Variants in RNF157 observed in about 807,000 individuals in gnomAD.
The protein encoded by RNF157 is ring finger protein 157.
Under a neutral mutation model 88.3 loss-of-function variants are expected in RNF157, and 55 were observed. That is an observed-to-expected ratio of 0.62 (90% CI 0.50 to 0.78). The LOEUF is 0.78. Among genes scored for constraint, RNF157 ranks in the 30% least tolerant of loss-of-function variants. The pLI is 0.00. For synonymous variants in RNF157, 334 were observed against 341.2 expected (o/e 0.98, Z 0.23); for missense variants, 788 against 860.8 (o/e 0.92, Z 1.06).
At chr17:76,222,346 C>CAA (rs1162600459) in intron 1 of RNF157, among the ~76,000 whole-genome samples, 28 of 78,242 alleles carry the variant, frequency 3.6e-4, no homozygotes, top group African/African-American at 1.1e-3. Context: ...GACCCCGTCT[C>CAA]AAAAAAAAAA....
intron 2 of RNF157, among the ~76,000 whole-genome samples, chr17:76,184,154 G>GTA (rs1307528253): frequency 6.9e-6 from 1 of 145,708 alleles, no homozygotes; most frequent in African/African-American, 2.6e-5. Context: ...TAGTGCCACT[G>GTA]TACTCCAGCC....
chr17:76,236,871 G>A (rs908624037), intron 1 of RNF157, among the ~76,000 whole-genome samples: 2 of 152,214 alleles, frequency 1.3e-5, no homozygotes, highest in Non-Finnish European at 2.9e-5. Flanking sequence ...AGAGCAAGGT[G>A]TAGAACAGTC....
chr17:76,226,402 G>T, intron 1 of RNF157: 1 of 1,595,940 alleles, frequency 6.3e-7, no homozygotes. Context: ...TCACCATCTG[G>T]GGGGGCACCT....
In RNF157 at chr17:76,230,328, T is replaced by C. The variant is rs149380615; in HGVS notation, c.88+9825A>G. Among the ~76,000 whole-genome samples the C allele has an allele frequency of 1.6e-3, 246 of 152,328 alleles. 3 individuals carry two copies. The highest frequency in any genetic ancestry group is 0.01 in the Middle Eastern group (3 of 294). On this transcript the variant is annotated intron_variant, in intron 1 of 18. Coordinates refer to ENST00000269391, the MANE Select transcript of RNF157 (RefSeq NM_052916.3). ...TTCAAAAGCAGTTTCTGCTCCAGAA[T>C]TCCAATTTCTGTCAATGGTATCTCA... is the stretch of plus-strand genomic sequence containing the variant.
intron 2 of RNF157, among the ~76,000 whole-genome samples, chr17:76,174,076 TA>T (rs889117041): frequency 3.3e-4 from 49 of 147,802 alleles, no homozygotes; most frequent in Middle Eastern, 3.5e-3. Context: ...GAATTAATAA[TA>T]AAAAAAAAAA....
At position 76,167,686 on chromosome 17, in the gene RNF157, G is replaced by A; in HGVS notation, c.408C>T (p.Tyr136=). 2 of 1,614,126 alleles carry A rather than the reference G, an allele frequency of 1.2e-6. No individual in the cohort carries two copies. The highest frequency in any genetic ancestry group is 1.7e-6 in the Non-Finnish European group (2 of 1,180,036). Residue 136 remains tyrosine, a synonymous_variant, in exon 4 of 19, where the codon TAC becomes TAT. Transcript: ENST00000269391. ...CATTCTGGAACTCTTCCGTGGCCTGGTAATAGATGGTGATGGCTACCCGAG... is the reference window on the plus strand; with the variant it reads ...CATTCTGGAACTCTTCCGTGGCCTGATAATAGATGGTGATGGCTACCCGAG... The part of the protein sequence containing the change: ...TDARVAITIY[Y]QATEEFQNGI...
intron 2 of RNF157, among the ~76,000 whole-genome samples, chr17:76,179,910 TTC>T (rs1437246358): frequency 6.6e-6 from 1 of 152,174 alleles, no homozygotes; most frequent in Non-Finnish European, 1.5e-5. Flanking sequence ...TCCACAGAGT[TTC>T]TGTTTTCTTT....
intron 8 of RNF157, chr17:76,163,127 C>G (rs1366390602): frequency 6.6e-6 from 1 of 152,256 alleles, no homozygotes; most frequent in Non-Finnish European, 1.5e-5. Context: ...TGGTGTGTAC[C>G]CCACACCATG....
At chr17:76,236,330 G>A (rs2070282139) in intron 1 of RNF157, among the ~76,000 whole-genome samples, 1 of 152,214 alleles carries the variant, frequency 6.6e-6, no homozygotes, top group African/African-American at 2.4e-5. Context: ...TTCCTGGATA[G>A]AGAAAACAGG....
intron 1 of RNF157, among the ~76,000 whole-genome samples, chr17:76,230,608 G>A (rs949721948): frequency 6.6e-6 from 1 of 152,092 alleles, no homozygotes; most frequent in Admixed American, 6.6e-5. Flanking sequence ...GGGAGGCTGA[G>A]GTGGGTGGAT....
chr17:76,152,160 T>C (rs1349231896), intron 18 of RNF157, among the ~76,000 whole-genome samples, 195 bp downstream of exon 18: 3 of 152,222 alleles, frequency 2.0e-5, no homozygotes, highest in Non-Finnish European at 4.4e-5. Context: ...AGAGCAAGGC[T>C]GGCTCATTGC....
rs1598416050 is a variant in RNF157 at position 76,189,956 on chromosome 17, A to G, written c.208-16166T>C. On this transcript the variant is annotated intron_variant, in intron 2 of 18. Coordinates refer to ENST00000269391, the MANE Select transcript of RNF157 (RefSeq NM_052916.3). ...GGGTCCTTCTCCTCCAGCCCTGTAG[A>G]CCTTCCAGCACCTCCCACTGGCAGC... Among the ~76,000 whole-genome samples the G allele has an allele frequency of 2.0e-5, 3 of 152,162 alleles. No individual in the cohort carries two copies. In the South Asian group the frequency reaches 6.2e-4, roughly 32 times the overall value.
At chr17:76,209,467 G>GT (rs1285413019) in intron 2 of RNF157, among the ~76,000 whole-genome samples, 9 of 149,990 alleles carry the variant, frequency 6.0e-5, no homozygotes, top group Admixed American at 5.9e-4. Context: ...TTAAAACATT[G>GT]TAAGATTTTT....
chr17:76,146,577 G>A lies in RNF157; in HGVS notation c.1922-1224C>T, dbSNP rs2068588664. The stretch of plus-strand genomic sequence containing the variant: ...GGACCCTGTGGGCCTCCCCAGCCGT[G>A]TCTCCCAGTGGCCTCCCCTCACGAG... On this transcript the variant is annotated intron_variant, in intron 18 of 18. Transcript: ENST00000269391. The surrounding 1 kb of genome is among the most constrained non-coding windows in gnomAD (Gnocchi z 4.2). 11 of 985,450 alleles carry A rather than the reference G, an allele frequency of 1.1e-5. No homozygotes were observed. The highest frequency in any genetic ancestry group is 1.3e-5 in the Non-Finnish European group (11 of 829,940). 61.0% of individuals were successfully genotyped at this position (985,450 alleles called of 1,614,324 possible).
At chr17:76,229,159 C>CCTGGATA (rs1450915734) in intron 1 of RNF157, among the ~76,000 whole-genome samples, 1 of 152,172 alleles carries the variant, frequency 6.6e-6, no homozygotes, top group Non-Finnish European at 1.5e-5. Flanking sequence ...TCCTCAAAAC[C>CCTGGATA]CTGGATAGTT....
At position 76,145,343 on chromosome 17, in the gene RNF157, C is replaced by T. The variant is rs1419106163; in HGVS notation, c.1932G>A (p.Gln644=). ...TCCGACTGACGGCATTGTCATCAGC[C>T]TGCCAGGCACCTGGGGAAGAGAAAA... ...CSEVCLPGAW[Q]ADDNAVSRNA... Residue 644 remains glutamine (Q), a synonymous_variant, in exon 19 of 19, where the codon CAG becomes CAA. Transcript: ENST00000269391. The T allele has an allele frequency of 6.2e-7, 1 of 1,612,060 alleles. No individual in the cohort carries two copies. Among genetic ancestry groups the T allele is most frequent in the African/African-American group, 1.3e-5 (1 of 74,926 alleles).
intron 3 of RNF157, among the ~76,000 whole-genome samples, chr17:76,168,656 G>C (rs1486311605): frequency 6.6e-6 from 1 of 151,944 alleles, no homozygotes; most frequent in African/African-American, 2.4e-5. Flanking sequence ...CAACATCCTG[G>C]TGGGTCCCTT....
At chr17:76,154,892 A>G (rs574872275) in intron 16 of RNF157, among the ~76,000 whole-genome samples, 4 of 152,324 alleles carry the variant, frequency 2.6e-5, no homozygotes, top group African/African-American at 9.6e-5. Flanking sequence ...AGGTCTGTAT[A>G]GGTCTATATG....
chr17:76,240,248 G>C lies in RNF157; in HGVS notation c.-8C>G. 1 of 1,273,064 alleles carries C rather than the reference G, an allele frequency of 7.9e-7. No individual in the cohort carries two copies. 78.9% of individuals were successfully genotyped at this position (1,273,064 alleles called of 1,614,324 possible). A position where few individuals can be genotyped will look rare whatever the true frequency, so the allele number is the denominator to read the frequency against. ...GCTCGTCAGGGCCCCCATGGCCGCTGCGGCTGCAGCCCCGGCCCGGCCCCG... is the reference window on the plus strand; with the variant it reads ...GCTCGTCAGGGCCCCCATGGCCGCTCCGGCTGCAGCCCCGGCCCGGCCCCG... On this transcript the variant is annotated 5_prime_UTR_variant, in exon 1 of 19. Coordinates refer to ENST00000269391, the MANE Select transcript of RNF157 (RefSeq NM_052916.3). The surrounding 1 kb of genome is among the most constrained non-coding windows in gnomAD (Gnocchi z 4.4).
Sources: gnomAD v4.1 joint callset for allele counts (sites outside exome capture counted in the v4.1 genomes callset) on GRCh38, gnomAD v4.1.1 for gene constraint, Gnocchi (gnomAD v3.1) non-coding constraint, MANE v1.5 for transcripts, NCBI Gene and HGNC (gene_info 2026-07-23, HGNC 2026-07-21) for gene names.